MGMT: variants seen among roughly 807,000 people sequenced by gnomAD.
The protein encoded by MGMT is methylated-DNA--protein-cysteine methyltransferase.
A neutral mutation model predicts 15.9 loss-of-function variants in MGMT; 14 were observed. The observed-to-expected ratio is 0.88, with a 90% CI of 0.58 to 1.37. MGMT has a LOEUF of 1.37. Ranked by LOEUF, MGMT falls within the 40% of genes most tolerant of loss-of-function variation. The probability of loss-of-function intolerance (pLI) is 0.00; values close to 1 mark genes in which losing one functional copy is unlikely to be tolerated. For synonymous variants in MGMT, 130 were observed against 118.2 expected, an observed-to-expected ratio of 1.10 and a Z score of -0.65; for missense variants, 282 against 268.1, an observed-to-expected ratio of 1.05 and a Z score of -0.36.
chr10:129,760,923 A>G (rs931864932), intron 4 of MGMT, among the ~76,000 whole-genome samples: 11 of 152,214 alleles, frequency 7.2e-5, no homozygotes, highest in South Asian at 4.1e-4. Context: ...GTCTTCAGCT[A>G]CATTGTCATA....
chr10:129,502,394 TC>T (rs561229936), intron 1 of MGMT, among the ~76,000 whole-genome samples: 87 of 152,238 alleles, frequency 5.7e-4, no homozygotes, highest in Admixed American at 4.6e-3. Context: ...TACGTTGCGT[TC>T]CTACCCAGCT....
chr10:129,700,448 T>G (rs1848085345), intron 2 of MGMT: 1 of 152,182 alleles, frequency 6.6e-6, no homozygotes, highest in South Asian at 2.1e-4. Context: ...CTTCGCAGCC[T>G]CCTCGGGGCC....
chr10:129,705,088 G>C (rs61874312), intron 2 of MGMT, among the ~76,000 whole-genome samples: 1 of 152,158 alleles, frequency 6.6e-6, no homozygotes, highest in African/African-American at 2.4e-5. Context: ...TCTCCCTGCC[G>C]CCCCGTGGGC....
At chr10:129,561,227 CAA>C (rs1276130098) in intron 2 of MGMT, among the ~76,000 whole-genome samples, 1 of 152,122 alleles carries the variant, frequency 6.6e-6, no homozygotes, top group Non-Finnish European at 1.5e-5. Context: ...ACTTTCTATA[CAA>C]GAGAGAGGTG....
At chr10:129,747,325 T>A (rs1235897493) in intron 3 of MGMT, among the ~76,000 whole-genome samples, 3 of 152,124 alleles carry the variant, frequency 2.0e-5, no homozygotes, top group Admixed American at 1.3e-4. Context: ...TAACTGTGGG[T>A]TTTTTGCAGA....
chr10:129,655,549 GA>G (rs1847515909), intron 2 of MGMT, among the ~76,000 whole-genome samples: 1 of 152,194 alleles, frequency 6.6e-6, no homozygotes, highest in Non-Finnish European at 1.5e-5. Context: ...ACCCTTGCAG[GA>G]GAGCTCTCGT....
intron 2 of MGMT, among the ~76,000 whole-genome samples, chr10:129,603,768 C>A (rs1043870400): frequency 1.3e-5 from 2 of 152,352 alleles, no homozygotes; most frequent in Admixed American, 6.5e-5. Context: ...CCAGCACTTA[C>A]ACTGTGAAGA....
At chr10:129,748,792 C>T (rs1416062074) in intron 3 of MGMT, among the ~76,000 whole-genome samples, 1 of 152,228 alleles carries the variant, frequency 6.6e-6, no homozygotes. Flanking sequence ...CTAGCCTCCT[C>T]TCCTTACTTA....
chr10:129,692,021 G>A lies in MGMT; in HGVS notation c.126-15874G>A, dbSNP rs114410053. On this transcript the variant is annotated intron_variant, in intron 2 of 4. Coordinates refer to ENST00000651593, the MANE Select transcript of MGMT (RefSeq NM_002412.5). Reference sequence around the variant, plus strand: ...TCCTACCTTGTTATGGGAACTAGACGTGGGCGGTGCACGTGGGGGCACCGA... The same window carrying A: ...TCCTACCTTGTTATGGGAACTAGACATGGGCGGTGCACGTGGGGGCACCGA... Among the ~76,000 whole-genome samples the A allele has an allele frequency of 6.5e-3, 995 of 152,308 alleles. 9 individuals are homozygous for A. The highest frequency in any genetic ancestry group is 0.022 in the African/African-American group (926 of 41,562).
chr10:129,698,619 T>TG (rs1848060215), intron 2 of MGMT, among the ~76,000 whole-genome samples: 1 of 152,204 alleles, frequency 6.6e-6, no homozygotes, highest in Non-Finnish European at 1.5e-5. Context: ...GGAAGGCATG[T>TG]GCAACACAGA....
At chr10:129,722,887 T>G (rs1436137331) in intron 3 of MGMT, among the ~76,000 whole-genome samples, 1 of 150,968 alleles carries the variant, frequency 6.6e-6, no homozygotes, top group Admixed American at 6.6e-5. Flanking sequence ...ACACCTGTAA[T>G]CCCAGCTACT....
At chr10:129,652,808 C>T (rs898201270) in intron 2 of MGMT, among the ~76,000 whole-genome samples, 14 of 152,228 alleles carry the variant, frequency 9.2e-5, no homozygotes, top group Non-Finnish European at 1.0e-4. Context: ...CACGGGGTGA[C>T]GTGTGGGACC....
intron 2 of MGMT, among the ~76,000 whole-genome samples, chr10:129,574,044 A>C (rs1323005091): frequency 1.3e-5 from 2 of 152,216 alleles, no homozygotes; most frequent in Non-Finnish European, 2.9e-5. Flanking sequence ...CGACAAAATA[A>C]CATATATTCC....
Position 129,556,935 on chromosome 10 carries a change from G to A in MGMT, c.125+20558G>A, listed in dbSNP as rs1470806066. Reference sequence around the variant, plus strand: ...GCTACCCTTCATTGAAGGGGGGCCCGTGATGTTGAGTGTTCACCGTCTTTC... The same window carrying A: ...GCTACCCTTCATTGAAGGGGGGCCCATGATGTTGAGTGTTCACCGTCTTTC... On this transcript the variant is annotated intron_variant, in intron 2 of 4. Transcript: ENST00000651593. This position sits in a 1 kb window ranked among gnomAD's most constrained non-coding sequence, Gnocchi z 4.3. Among the ~76,000 whole-genome samples, 2 of 152,108 alleles carry A rather than the reference G, an allele frequency of 1.3e-5. No homozygotes were observed. Among genetic ancestry groups the A allele is most frequent in the South Asian group, 2.1e-4 (1 of 4,822 alleles).
intron 2 of MGMT, among the ~76,000 whole-genome samples, chr10:129,676,940 C>T (rs1054002357): frequency 2.0e-5 from 3 of 152,146 alleles, no homozygotes; most frequent in East Asian, 1.9e-4. Context: ...TAATTGGAGT[C>T]CTCAAGGTCC....
chr10:129,657,287 C>T (rs564425938), intron 2 of MGMT, among the ~76,000 whole-genome samples: 34 of 151,938 alleles, frequency 2.2e-4, no homozygotes, highest in African/African-American at 7.7e-4. Flanking sequence ...TTCAGGAATA[C>T]ACATGTATGT....
chr10:129,604,192 A>ACGCT (rs752331452), intron 2 of MGMT, among the ~76,000 whole-genome samples: 23 of 152,180 alleles, frequency 1.5e-4, no homozygotes, highest in Non-Finnish European at 2.8e-4. Flanking sequence ...ACTCTCTACG[A>ACGCT]CGCTCATCAT....
rs34274988 is a variant in MGMT, at chr10:129,489,359, CAAAA to C, written c.-13+22087_-13+22090del. Among the ~76,000 whole-genome samples the C allele has an allele frequency of 1.2e-4, 7 of 57,350 alleles. No individual in the cohort carries two copies. In the East Asian group the frequency reaches 2.9e-3, roughly 24 times the overall value. 37.6% of individuals were successfully genotyped at this position (57,350 alleles called of 152,430 possible). Reference sequence around the variant, plus strand: ...TGGGTGACAGTGCAGGACTCTGTCTCAAAAAAAAAAAAAAAAAAAAAAAAAAATT... The same window carrying C: ...TGGGTGACAGTGCAGGACTCTGTCTCAAAAAAAAAAAAAAAAAAAAAAATT... On this transcript the variant is annotated intron_variant, in intron 1 of 4. Transcript: ENST00000651593.
chr10:129,647,357 C>T (rs1046694609), intron 2 of MGMT, among the ~76,000 whole-genome samples: 22 of 152,140 alleles, frequency 1.4e-4, no homozygotes, highest in African/African-American at 5.1e-4. Context: ...ACGTTAAATG[C>T]ATAAAATTAA....
Sources: allele counts gnomAD v4.1 joint callset (sites outside exome capture counted in the v4.1 genomes callset), GRCh38; gene constraint gnomAD v4.1.1; non-coding constraint Gnocchi (gnomAD v3.1); transcripts MANE v1.5; gene names NCBI Gene and HGNC (gene_info 2026-07-23, HGNC 2026-07-21).